Variants in PRKN observed in about 807,000 individuals in gnomAD.
PRKN encodes parkin RBR E3 ubiquitin protein ligase.
PRKN carries 56 observed loss-of-function variants against 59.5 expected under a neutral mutation model. That is an observed-to-expected ratio of 0.94 (90% CI 0.76 to 1.18). The LOEUF is 1.18. Ranked by LOEUF, PRKN falls within the 50% of genes most tolerant of loss-of-function variation. The pLI is 0.00. For synonymous variants in PRKN, 250 were observed against 222.1 expected (o/e 1.13, Z -1.12); for missense variants, 657 against 596.4 (o/e 1.10, Z -1.06).
In PRKN at chr6:161,409,021, C is replaced by T. The variant is rs1787405976; in HGVS notation, c.1084-22144G>A. Reference sequence around the variant, plus strand: ...AGTGCAGTGGTGCAATCTCAGCTCACTGCAACCTCTGCCTCCTGGGTTCAA... The same window carrying T: ...AGTGCAGTGGTGCAATCTCAGCTCATTGCAACCTCTGCCTCCTGGGTTCAA... On this transcript the variant is annotated intron_variant, in intron 9 of 11. Transcript: ENST00000366898. This position sits in a 1 kb window ranked among gnomAD's most constrained non-coding sequence, Gnocchi z 4.6. 6.6e-6 allele frequency among the ~76,000 whole-genome samples: 1 copy of T among 152,164 alleles called. No individual in the cohort carries two copies. Among genetic ancestry groups the T allele is most frequent in the African/African-American group, 2.4e-5 (1 of 41,416 alleles).
At chr6:162,557,730 G>A (rs918340281) in intron 1 of PRKN, among the ~76,000 whole-genome samples, 3 of 152,108 alleles carry the variant, frequency 2.0e-5, no homozygotes, top group East Asian at 1.9e-4. Flanking sequence ...GGCTGGTCTC[G>A]AACTCCTGAC....
At chr6:162,368,334 T>C (rs1785563830) in intron 2 of PRKN, among the ~76,000 whole-genome samples, 1 of 152,134 alleles carries the variant, frequency 6.6e-6, no homozygotes, top group Admixed American at 6.6e-5. Flanking sequence ...TTGTTGAATC[T>C]ACCTGAGAAG....
rs1367746077 is a variant in PRKN at position 162,201,153 on chromosome 6, T to G, written c.512A>C (p.Gln171Pro). 1 of 1,614,066 alleles carries G rather than the reference T, an allele frequency of 6.2e-7. No homozygotes were observed. Among genetic ancestry groups the G allele is most frequent in the Non-Finnish European group, 8.5e-7 (1 of 1,180,032 alleles). ...KLRVQCSTCR[Q>P]ATLTLTQGPS... ...TACCTGGGTCAAGGTGAGCGTTGCC[T>G]GCCTGCAGGTGCTGCACTGTACCCT... Residue 171 changes from glutamine to proline, a missense_variant, in exon 4 of 12, where the codon CAG (glutamine) becomes CCG (proline). By Grantham distance (76) the Gln-to-Pro change is moderately conservative. Coordinates refer to ENST00000366898, the MANE Select transcript of PRKN (RefSeq NM_004562.3).
At chr6:162,098,697 C>A (rs1446997829) in intron 4 of PRKN, among the ~76,000 whole-genome samples, 1 of 152,200 alleles carries the variant, frequency 6.6e-6, no homozygotes, top group Non-Finnish European at 1.5e-5. Context: ...CTACATTATT[C>A]CTACTTATCC....
chr6:162,692,576 C>CCCG (rs1777819138), intron 1 of PRKN, among the ~76,000 whole-genome samples: 1 of 151,558 alleles, frequency 6.6e-6, no homozygotes, highest in African/African-American at 2.4e-5. Context: ...ACAGACCCCC[C>CCCG]CCAACAAAAT....
chr6:162,653,719 T>G (rs1211223315), intron 1 of PRKN, among the ~76,000 whole-genome samples: 7 of 152,156 alleles, frequency 4.6e-5, no homozygotes, highest in Admixed American at 3.3e-4. Context: ...AGTGCTACTG[T>G]GAGAATAGCA....
intron 1 of PRKN, among the ~76,000 whole-genome samples, chr6:162,615,838 C>T (rs1313590347): frequency 6.6e-6 from 1 of 152,192 alleles, no homozygotes; most frequent in Non-Finnish European, 1.5e-5. Flanking sequence ...AAGTTTTGTT[C>T]ATTCACTCAC....
intron 2 of PRKN, among the ~76,000 whole-genome samples, chr6:162,411,839 A>G (rs903994802): frequency 1.3e-5 from 2 of 152,026 alleles, no homozygotes; most frequent in African/African-American, 4.8e-5. Flanking sequence ...ACCTCACCCC[A>G]CCACATTTAA....
chr6:162,477,245 T>C (rs1167607641), intron 1 of PRKN, among the ~76,000 whole-genome samples: 1 of 152,202 alleles, frequency 6.6e-6, no homozygotes, highest in Non-Finnish European at 1.5e-5. Context: ...GCCCACCAAC[T>C]TCTATCCTGG....
intron 1 of PRKN, among the ~76,000 whole-genome samples, chr6:162,536,922 C>T (rs764762592): frequency 6.6e-6 from 1 of 152,112 alleles, no homozygotes; most frequent in Non-Finnish European, 1.5e-5. Flanking sequence ...TACATATATG[C>T]ATACATATAT....
intron 5 of PRKN, among the ~76,000 whole-genome samples, chr6:162,006,541 G>A (rs891747217): frequency 2.6e-5 from 4 of 152,138 alleles, no homozygotes; most frequent in African/African-American, 7.2e-5. Context: ...CAAGACCAAC[G>A]TGAGTTGGCC....
At position 161,550,710 on chromosome 6, in the gene PRKN, T is replaced by A. The variant is rs1779973346; in HGVS notation, c.934-1707A>T. Among the ~76,000 whole-genome samples the A allele has an allele frequency of 6.7e-6, 1 of 149,386 alleles. No individual in the cohort carries two copies. The highest frequency in any genetic ancestry group is 2.1e-4 in the South Asian group (1 of 4,704). Reference sequence around the variant, plus strand: ...CGGGTAGGGGTGGGGACAACTGTGGTAGAAGAAAGGGTATGTGTGTGTGTG... The same window carrying A: ...CGGGTAGGGGTGGGGACAACTGTGGAAGAAGAAAGGGTATGTGTGTGTGTG... On this transcript the variant is annotated intron_variant, in intron 8 of 11. Transcript: ENST00000366898. This position sits in a 1 kb window ranked among gnomAD's most constrained non-coding sequence, Gnocchi z 4.0.
intron 4 of PRKN, among the ~76,000 whole-genome samples, chr6:162,181,304 C>T (rs1413128684): frequency 3.3e-5 from 5 of 152,166 alleles, no homozygotes; most frequent in Non-Finnish European, 7.3e-5. Context: ...TCACACAAAC[C>T]ATTTGCATAT....
At chr6:161,771,966 C>T (rs1475292271) in intron 7 of PRKN, among the ~76,000 whole-genome samples, 3 of 152,112 alleles carry the variant, frequency 2.0e-5, no homozygotes, top group Non-Finnish European at 2.9e-5. Flanking sequence ...GTCTCAGTAA[C>T]ACAAGACATC....
At chr6:161,441,714 G>C (rs1562452075) in intron 9 of PRKN, among the ~76,000 whole-genome samples, 1 of 145,590 alleles carries the variant, frequency 6.9e-6, no homozygotes, top group Non-Finnish European at 1.5e-5. Flanking sequence ...GTTCTTCCCC[G>C]CAGTTCCCAG....
chr6:162,286,214 C>A (rs1036580641), intron 2 of PRKN, among the ~76,000 whole-genome samples: 4 of 149,920 alleles, frequency 2.7e-5, no homozygotes, highest in Non-Finnish European at 5.9e-5. Context: ...CATTAGGGCA[C>A]AGGTTTTATC....
At position 161,593,416 on chromosome 6, in the gene PRKN, T is replaced by C. The variant is rs1167149994; in HGVS notation, c.872-24000A>G. On this transcript the variant is annotated intron_variant, in intron 7 of 11. Transcript: ENST00000366898. The surrounding 1 kb of genome is among the most constrained non-coding windows in gnomAD (Gnocchi z 4.8). The stretch of plus-strand genomic sequence containing the variant: ...TGGTGAGGCTGGTTTCAAGCTAATA[T>C]TGGCCAATCCCCAACCCTGAACTCT... Among the ~76,000 whole-genome samples the C allele has an allele frequency of 6.6e-6, 1 of 152,104 alleles. No individual in the cohort carries two copies. Among genetic ancestry groups the C allele is most frequent in the Non-Finnish European group, 1.5e-5 (1 of 68,010 alleles).
At chr6:162,348,927 A>C (rs1784512748) in intron 2 of PRKN, among the ~76,000 whole-genome samples, 1 of 152,216 alleles carries the variant, frequency 6.6e-6, no homozygotes, top group Admixed American at 6.5e-5. Context: ...CAAAGGTTAC[A>C]TCACTACAGA....
At chr6:162,091,111 CCT>C (rs1491516779) in intron 4 of PRKN, among the ~76,000 whole-genome samples, 1 of 67,514 alleles carries the variant, frequency 1.5e-5, no homozygotes, top group African/African-American at 8.3e-5. Context: ...CTCTTGCTAT[CCT>C]TTTTTTTTTT....
Sources: allele counts gnomAD v4.1 joint callset (sites outside exome capture counted in the v4.1 genomes callset), GRCh38; gene constraint gnomAD v4.1.1; non-coding constraint Gnocchi (gnomAD v3.1); transcripts MANE v1.5; gene names NCBI Gene and HGNC (gene_info 2026-07-23, HGNC 2026-07-21).